The following PDE11A variants were observed in gnomAD, a reference collection of about 807,000 sequenced individuals.
The protein encoded by PDE11A is phosphodiesterase 11A.
Under a neutral mutation model 100.5 loss-of-function variants are expected in PDE11A, and 100 were observed. The observed-to-expected ratio is 1.00, with a 90% confidence interval of 0.85 to 1.18. The LOEUF (loss-of-function observed/expected upper bound fraction) is 1.18, where lower values mean the gene tolerates loss of function less well. PDE11A is among the 50% of genes most tolerant of loss of function. The probability of loss-of-function intolerance (pLI) is 0.00; values close to 1 mark genes in which losing one functional copy is unlikely to be tolerated. For synonymous variants in PDE11A, 381 were observed against 420.8 expected (o/e 0.91, Z 1.16); for missense variants, 1,141 against 1,152.6 (o/e 0.99, Z 0.15).
chr2:177,843,964 T>C (rs572944618), intron 5 of PDE11A, among the ~76,000 whole-genome samples: 1 of 152,172 alleles, frequency 6.6e-6, no homozygotes, highest in South Asian at 2.1e-4. Context: ...AACTGACCTA[T>C]ATAGGTCAGT....
chr2:177,869,171 CA>C (rs1261125963), intron 5 of PDE11A, among the ~76,000 whole-genome samples: 2 of 152,344 alleles, frequency 1.3e-5, no homozygotes, highest in Non-Finnish European at 2.9e-5. Context: ...TTCTGCATAA[CA>C]AATTACTATA....
chr2:177,711,643 C>T (rs914830201), intron 13 of PDE11A, 126 bp downstream of exon 13: 60 of 703,606 alleles, frequency 8.5e-5, no homozygotes, highest in South Asian at 7.3e-4. Context: ...ATGACATGCA[C>T]GCCCAAGCCT....
At chr2:178,097,392 G>A (rs1202132287) in intron 2 of PDE11A, among the ~76,000 whole-genome samples, 1 of 152,182 alleles carries the variant, frequency 6.6e-6, no homozygotes, top group Non-Finnish European at 1.5e-5. Flanking sequence ...GGGAAGCAAG[G>A]TACCTTCTTC....
intron 13 of PDE11A, among the ~76,000 whole-genome samples, chr2:177,702,189 T>G (rs1040244462): frequency 6.6e-6 from 1 of 152,104 alleles, no homozygotes; most frequent in Non-Finnish European, 1.5e-5. Context: ...ATGTCAGTTC[T>G]GCAAAGCGTT....
chr2:177,953,379 C>G (rs930318279), intron 2 of PDE11A: 1 of 152,010 alleles, frequency 6.6e-6, no homozygotes, highest in Non-Finnish European at 1.5e-5. Context: ...ATAATATATT[C>G]ACAAAGAAAA....
chr2:177,937,888 C>A (rs1032382984), intron 2 of PDE11A, among the ~76,000 whole-genome samples: 1 of 152,108 alleles, frequency 6.6e-6, no homozygotes, highest in Non-Finnish European at 1.5e-5. Flanking sequence ...TGAAGAGGAG[C>A]CTCAACCAGC....
chr2:177,693,052 A>G (rs910641573), intron 15 of PDE11A, among the ~76,000 whole-genome samples: 2 of 152,182 alleles, frequency 1.3e-5, no homozygotes, highest in African/African-American at 4.8e-5. Context: ...CTTCAACTGT[A>G]TCATGACTTT....
chr2:178,030,074 T>C (rs141203986), intron 1 of PDE11A, among the ~76,000 whole-genome samples: 4 of 152,190 alleles, frequency 2.6e-5, no homozygotes, highest in East Asian at 1.9e-4. Flanking sequence ...TATTCTGTTA[T>C]AGCAGCACAA....
Position 177,754,392 on chromosome 2 carries a change from A to G in PDE11A, c.1788+14931T>C, listed in dbSNP as rs75068407. Among the ~76,000 whole-genome samples, 790 of 152,340 alleles carry G rather than the reference A, an allele frequency of 5.2e-3. 7 individuals carry two copies. Among genetic ancestry groups the G allele is most frequent in the African/African-American group, 0.018 (755 of 41,574 alleles). ...AAACAAAAAAACTCAAGGTTGTCCT[A>G]CCCTCAGATCTCCTGCTTTTTATGG... is the stretch of plus-strand genomic sequence containing the variant. On this transcript the variant is annotated intron_variant, in intron 10 of 19. Transcript: ENST00000286063.
chr2:177,816,815 A>C lies in PDE11A; in HGVS notation c.1737+14T>G. 6.8e-7 allele frequency: 1 copy of C among 1,467,322 alleles called. No individual in the cohort carries two copies. Among genetic ancestry groups the C allele is most frequent in the Non-Finnish European group, 9.6e-7 (1 of 1,045,876 alleles). 90.9% of individuals were successfully genotyped at this position (1,467,322 alleles called of 1,614,324 possible). A position where few individuals can be genotyped will look rare whatever the true frequency, so the allele number is the denominator to read the frequency against. ...GCTGACAGCATACAAACCTGACATA[A>C]ACACTGTACTTACATCAAGAGCCAC... On this transcript the variant is annotated intron_variant, in intron 9 of 19. Transcript: ENST00000286063.
At chr2:177,846,775 T>C (rs1293127449) in intron 5 of PDE11A, among the ~76,000 whole-genome samples, 1 of 152,186 alleles carries the variant, frequency 6.6e-6, no homozygotes, top group African/African-American at 2.4e-5. Context: ...CAGAGACATT[T>C]GTATGGGCTT....
chr2:177,644,301 A>C (rs1342952624), intron 19 of PDE11A, among the ~76,000 whole-genome samples: 1 of 152,262 alleles, frequency 6.6e-6, no homozygotes, highest in Non-Finnish European at 1.5e-5. Context: ...TCCCAAGACC[A>C]CAGGAACCTA....
At chr2:177,835,129 C>T (rs1189509731) in intron 6 of PDE11A, among the ~76,000 whole-genome samples, 1 of 152,106 alleles carries the variant, frequency 6.6e-6, no homozygotes, top group Non-Finnish European at 1.5e-5. Context: ...TGACACCTAT[C>T]GATAGCACCC....
At chr2:178,103,186 G>T (rs868826646) in intron 2 of PDE11A, among the ~76,000 whole-genome samples, 2 of 152,116 alleles carry the variant, frequency 1.3e-5, no homozygotes, top group East Asian at 1.9e-4. Flanking sequence ...TTTCCAGTGG[G>T]GGGGGAAGGA....
chr2:178,101,684 G>A (rs2087560530), intron 2 of PDE11A, among the ~76,000 whole-genome samples: 1 of 152,030 alleles, frequency 6.6e-6, no homozygotes. Flanking sequence ...TTGGTCCCAG[G>A]GGCCAACTAT....
chr2:177,814,460 T>A (rs539122141), intron 9 of PDE11A, among the ~76,000 whole-genome samples: 1 of 152,078 alleles, frequency 6.6e-6, no homozygotes, highest in African/African-American at 2.4e-5. Flanking sequence ...TGCCACCTGA[T>A]CACTAGTGTC....
chr2:177,634,141 T>C (rs1222557782), intron 19 of PDE11A, among the ~76,000 whole-genome samples: 1 of 152,206 alleles, frequency 6.6e-6, no homozygotes, highest in East Asian at 1.9e-4. Context: ...TAAGTTTATT[T>C]GGCATAGCCC....
intron 2 of PDE11A, among the ~76,000 whole-genome samples, chr2:177,973,187 C>A (rs2085795304): frequency 6.9e-6 from 1 of 145,438 alleles, no homozygotes; most frequent in Admixed American, 6.9e-5. Context: ...GGGTTCATCT[C>A]ACTAGGGAGT....
chr2:177,818,269 CAT>C (rs138058817), intron 7 of PDE11A, among the ~76,000 whole-genome samples: 8 of 147,638 alleles, frequency 5.4e-5, no homozygotes, highest in Non-Finnish European at 7.5e-5. Flanking sequence ...TATTCAGCTA[CAT>C]ATATATATAT....
Sources: allele counts gnomAD v4.1 joint callset (sites outside exome capture counted in the v4.1 genomes callset), GRCh38; gene constraint gnomAD v4.1.1; transcripts MANE v1.5; gene names NCBI Gene and HGNC (gene_info 2026-07-23, HGNC 2026-07-21).